Variants in GLCCI1 observed in about 807,000 individuals in gnomAD.
The protein encoded by GLCCI1 is glucocorticoid-induced transcript 1 protein.
A neutral mutation model predicts 52.2 loss-of-function variants in GLCCI1; 24 were observed. The observed-to-expected ratio is 0.46, with a 90% CI of 0.33 to 0.65. The LOEUF (loss-of-function observed/expected upper bound fraction) is 0.65. Among genes scored for constraint, GLCCI1 ranks in the 30% least tolerant of loss-of-function variants. GLCCI1 has a pLI of 0.02. For missense variants in GLCCI1, 704 were observed against 701.5 expected (o/e 1.00, Z -0.04); for synonymous variants, 310 against 276.5 (o/e 1.12, Z -1.20).
chr7:7,991,027 A>G (rs1422066872), intron 1 of GLCCI1, among the ~76,000 whole-genome samples: 2 of 152,070 alleles, frequency 1.3e-5, no homozygotes, highest in African/African-American at 2.4e-5. Flanking sequence ...GTATCCAGAC[A>G]TATTTCAGTA....
At chr7:8,031,894 T>G (rs1401607913) in intron 3 of GLCCI1, among the ~76,000 whole-genome samples, 1 of 151,960 alleles carries the variant, frequency 6.6e-6, no homozygotes, top group Non-Finnish European at 1.5e-5. Context: ...AAAAGGAACT[T>G]AAAACAATCA....
At chr7:8,000,436 T>C (rs950769975) in intron 1 of GLCCI1, among the ~76,000 whole-genome samples, 27 of 151,848 alleles carry the variant, frequency 1.8e-4, no homozygotes, top group African/African-American at 6.3e-4. Context: ...AAACAAACAA[T>C]AAAACAGAAA....
chr7:7,998,439 C>T (rs1780987406), intron 1 of GLCCI1, among the ~76,000 whole-genome samples: 1 of 152,224 alleles, frequency 6.6e-6, no homozygotes, highest in Non-Finnish European at 1.5e-5. Context: ...TGGTCTCAAT[C>T]TCCTGACCTC....
chr7:7,987,838 T>C (rs37991), intron 1 of GLCCI1, among the ~76,000 whole-genome samples: 114,570 of 152,110 alleles, frequency 0.75, 43,572 homozygotes, highest in African/African-American at 0.87. Flanking sequence ...ATCCTTCCGC[T>C]TTGGCCTTTA....
intron 3 of GLCCI1, among the ~76,000 whole-genome samples, chr7:8,041,760 G>GT: frequency 6.6e-6 from 1 of 151,948 alleles, no homozygotes; most frequent in African/African-American, 2.4e-5. Flanking sequence ...CCAGCTAATT[G>GT]TTTTTTATTT....
intron 6 of GLCCI1, among the ~76,000 whole-genome samples, chr7:8,079,687 A>C (rs890812529): frequency 2.6e-5 from 4 of 151,516 alleles, no homozygotes; most frequent in East Asian, 1.9e-4. Context: ...TTTTGGCTTA[A>C]TTTGTAAGTT....
At chr7:8,042,304 A>T (rs922006995) in intron 3 of GLCCI1, among the ~76,000 whole-genome samples, 1 of 152,232 alleles carries the variant, frequency 6.6e-6, no homozygotes, top group African/African-American at 2.4e-5. Context: ...CCTTTGATGA[A>T]TCTGGGCAGA....
At chr7:8,029,123 C>T (rs910420409) in intron 3 of GLCCI1, among the ~76,000 whole-genome samples, 3 of 152,116 alleles carry the variant, frequency 2.0e-5, no homozygotes, top group South Asian at 2.1e-4. Context: ...TACCCTGCTA[C>T]CAAAACCAGA....
rs113332688 is a variant in GLCCI1 at position 7,972,342 on chromosome 7, T to C, written c.457+2535T>C. 3.2e-3 allele frequency among the ~76,000 whole-genome samples: 482 copies of C among 152,136 alleles called. 7 individuals carry two copies. The East Asian group carries it at 0.05, about 16-fold the overall frequency. On this transcript the variant is annotated intron_variant, in intron 1 of 7. Transcript: ENST00000223145. Reference sequence around the variant, plus strand: ...CAGTGTATGTGTGTGTGTGTGTGTGTGCGCGCAAGAGGGTGTTAAAACTGC... The same window carrying C: ...CAGTGTATGTGTGTGTGTGTGTGTGCGCGCGCAAGAGGGTGTTAAAACTGC...
chr7:8,037,099 A>ACTATC (rs1425630648), intron 3 of GLCCI1, among the ~76,000 whole-genome samples: 2 of 81,302 alleles, frequency 2.5e-5, no homozygotes, highest in African/African-American at 1.4e-4. Context: ...TAGTCTTCAG[A>ACTATC]CAAAGTCAGT....
chr7:8,008,244 C>G (rs1489693880), intron 2 of GLCCI1, among the ~76,000 whole-genome samples: 1 of 151,810 alleles, frequency 6.6e-6, no homozygotes, highest in Non-Finnish European at 1.5e-5. Flanking sequence ...CCTCTGATAA[C>G]CACTATTCTA....
chr7:8,086,463 A>G lies in GLCCI1; in HGVS notation c.1569A>G (p.Pro523=), dbSNP rs1783108756. The change falls in exon 8 of 8, where the codon CCA becomes CCG. Residue 523 remains proline, a synonymous_variant. Transcript: ENST00000223145. The surrounding 1 kb of genome is among the most constrained non-coding windows in gnomAD (Gnocchi z 4.4). ...CCATGGAGGCCTCTGTCCAGCAGCC[A>G]TCCCAGCAGCAGCAGCTCCTGCAGG... ...AGSMEASVQQ[P]SQQQQLLQEL... 6.2e-7 allele frequency: 1 copy of G among 1,614,122 alleles called. No individual in the cohort carries two copies.
chr7:8,021,938 C>A (rs1283504686), intron 2 of GLCCI1, among the ~76,000 whole-genome samples: 1 of 152,016 alleles, frequency 6.6e-6, no homozygotes, highest in South Asian at 2.1e-4. Flanking sequence ...TGTTTTTAAT[C>A]TTTTTCACTT....
intron 1 of GLCCI1, among the ~76,000 whole-genome samples, chr7:7,987,060 G>A (rs560488047): frequency 7.2e-5 from 11 of 151,992 alleles, no homozygotes; most frequent in Non-Finnish European, 8.8e-5. Context: ...ACTGCTATAA[G>A]TACAGTCTTT....
chr7:8,011,100 C>T (rs1274384396), intron 2 of GLCCI1, among the ~76,000 whole-genome samples: 1 of 151,726 alleles, frequency 6.6e-6, no homozygotes, highest in Non-Finnish European at 1.5e-5. Context: ...GCCTGGGCAA[C>T]AGAGTGAGAC....
chr7:8,020,302 A>G (rs952628015), intron 2 of GLCCI1, among the ~76,000 whole-genome samples: 11 of 152,182 alleles, frequency 7.2e-5, no homozygotes, highest in Non-Finnish European at 1.3e-4. Context: ...TTATGGGACC[A>G]CTGTTAGGTA....
chr7:8,011,043 C>T lies in GLCCI1; in HGVS notation c.609+6984C>T, dbSNP rs183325438. Among the ~76,000 whole-genome samples, 1,225 of 151,884 alleles carry T rather than the reference C, an allele frequency of 8.1e-3. 27 individuals carry two copies. Among genetic ancestry groups the T allele is most frequent in the Non-Finnish European group, 8.9e-3 (608 of 67,962 alleles). Reference sequence around the variant, plus strand: ...CTGAGGCAAGAGAATCGCTTGAACCCGGGAGGTGGAGGTTGCAGTGAGCCG... The same window carrying T: ...CTGAGGCAAGAGAATCGCTTGAACCTGGGAGGTGGAGGTTGCAGTGAGCCG... On this transcript the variant is annotated intron_variant, in intron 2 of 7. Coordinates refer to ENST00000223145, the MANE Select transcript of GLCCI1 (RefSeq NM_138426.4).
At chr7:8,027,358 C>A (rs1364527359) in intron 3 of GLCCI1, among the ~76,000 whole-genome samples, 2 of 152,060 alleles carry the variant, frequency 1.3e-5, no homozygotes, top group African/African-American at 2.4e-5. Flanking sequence ...TGTCGTGGCA[C>A]ACACCTGTAG....
intron 5 of GLCCI1, among the ~76,000 whole-genome samples, chr7:8,067,549 T>TC (rs1356509848): frequency 1.3e-5 from 2 of 152,218 alleles, no homozygotes; most frequent in Non-Finnish European, 2.9e-5. Context: ...TTTCAGGACC[T>TC]CTTGTAAGGC....
Sources: gnomAD v4.1 joint callset for allele counts (sites outside exome capture counted in the v4.1 genomes callset) on GRCh38, gnomAD v4.1.1 for gene constraint, Gnocchi (gnomAD v3.1) non-coding constraint, MANE v1.5 for transcripts, NCBI Gene and HGNC (gene_info 2026-07-23, HGNC 2026-07-21) for gene names.